The following SLMAP variants were observed in gnomAD, a reference collection of about 807,000 sequenced individuals.
SLMAP encodes the protein sarcolemmal membrane-associated protein.
In SLMAP, 44 loss-of-function variants were observed where a neutral mutation model predicts 128.8. The observed-to-expected ratio is 0.34, with a 90% CI of 0.27 to 0.44. SLMAP has a LOEUF of 0.44. Ranked by LOEUF, SLMAP falls within the 20% of genes least tolerant of loss-of-function variation. The pLI is 1.00. For synonymous variants in SLMAP, 327 were observed against 348.8 expected, an observed-to-expected ratio of 0.94 and a Z score of 0.70; for missense variants, 787 against 985.3, an observed-to-expected ratio of 0.80 and a Z score of 2.69.
At chr3:57,902,218 T>A (rs1349542548) in intron 17 of SLMAP, 2 of 152,216 alleles carry the variant, frequency 1.3e-5, no homozygotes, top group Non-Finnish European at 2.9e-5. Context: ...TAGATATTAT[T>A]TCTTTTTAGT....
intron 22 of SLMAP, among the ~76,000 whole-genome samples, chr3:57,921,320 TA>T (rs1333332236): frequency 1.3e-5 from 2 of 152,138 alleles, no homozygotes. Context: ...CAAGTTTTGC[TA>T]TTTAAAAATT....
chr3:57,839,304 G>A (rs1234853649), intron 3 of SLMAP, among the ~76,000 whole-genome samples: 1 of 151,886 alleles, frequency 6.6e-6, no homozygotes, highest in Non-Finnish European at 1.5e-5. Context: ...AATCAATATT[G>A]AATACATGGT....
At chr3:57,926,485 A>G in intron 24 of SLMAP, among the ~76,000 whole-genome samples, 1 of 152,240 alleles carries the variant, frequency 6.6e-6, no homozygotes, top group Non-Finnish European at 1.5e-5. Context: ...ACTTGCAAGG[A>G]TATAAATGTA....
chr3:57,869,437 G>A (rs1575495986), intron 13 of SLMAP, among the ~76,000 whole-genome samples: 1 of 150,880 alleles, frequency 6.6e-6, no homozygotes. Context: ...TTGACACTCA[G>A]TATTAACCAC....
intron 2 of SLMAP, among the ~76,000 whole-genome samples, chr3:57,811,029 A>C (rs764414940): frequency 1.3e-5 from 2 of 152,152 alleles, no homozygotes; most frequent in African/African-American, 2.4e-5. Flanking sequence ...TCTTCCCCTG[A>C]ACTCTAGGCT....
chr3:57,837,380 GTTT>G (rs2093687609), intron 3 of SLMAP, among the ~76,000 whole-genome samples: 1 of 151,952 alleles, frequency 6.6e-6, no homozygotes, highest in African/African-American at 2.4e-5. Context: ...TTGTTTGTTT[GTTT>G]TTTGAGACAA....
At chr3:57,772,225 C>G (rs2081035034) in intron 2 of SLMAP, among the ~76,000 whole-genome samples, 2 of 152,134 alleles carry the variant, frequency 1.3e-5, no homozygotes, top group Non-Finnish European at 2.9e-5. Context: ...TGTATATGTC[C>G]TTGGTGTATA....
chr3:57,836,736 A>G (rs970341729), intron 3 of SLMAP, among the ~76,000 whole-genome samples: 13 of 152,256 alleles, frequency 8.5e-5, no homozygotes, highest in Middle Eastern at 3.2e-3. Flanking sequence ...TACTGATAAA[A>G]TATTATTGTA....
At chr3:57,772,008 G>A (rs1366483582) in intron 2 of SLMAP, among the ~76,000 whole-genome samples, 1 of 152,166 alleles carries the variant, frequency 6.6e-6, no homozygotes, top group African/African-American at 2.4e-5. Context: ...CTCTTATCAG[G>A]CACCATAGAA....
intron 13 of SLMAP, among the ~76,000 whole-genome samples, chr3:57,871,390 A>T (rs2095476665): frequency 6.6e-6 from 1 of 152,168 alleles, no homozygotes; most frequent in Admixed American, 6.6e-5. Flanking sequence ...CAATATATTT[A>T]TGTGATTTTC....
At chr3:57,859,057 C>A (rs142131852) in intron 8 of SLMAP, among the ~76,000 whole-genome samples, 1 of 152,214 alleles carries the variant, frequency 6.6e-6, no homozygotes, top group Non-Finnish European at 1.5e-5. Context: ...TACACAGTGG[C>A]TCATGCCTGT....
chr3:57,874,252 A>G (rs1355864930), intron 14 of SLMAP, among the ~76,000 whole-genome samples: 1 of 152,210 alleles, frequency 6.6e-6, no homozygotes, highest in Admixed American at 6.5e-5. Flanking sequence ...TAGTTGTGCC[A>G]CTGCACTCTA....
At chr3:57,766,159 C>T (rs553123122) in intron 2 of SLMAP, among the ~76,000 whole-genome samples, 7 of 128,736 alleles carry the variant, frequency 5.4e-5, no homozygotes, top group Admixed American at 4.1e-4. Flanking sequence ...CCACCACACC[C>T]GGCTAATTTT....
rs2096013788 is a variant in SLMAP at position 57,889,969 on chromosome 3, T to C, written c.1301-72T>C. ...CATCTTTAAATTTGGTCATGGAATG[T>C]GTTACACTGCCCAGCTCAGGGAAAT... On this transcript the variant is annotated intron_variant, in intron 14 of 24. Transcript: ENST00000671191. 3.8e-6 allele frequency: 4 copies of C among 1,040,484 alleles called. No individual in the cohort carries two copies. The East Asian group carries it at 7.1e-5, about 18-fold the overall frequency. The allele number at this position is 1,040,484 out of a possible 1,614,324, so 64.5% of individuals were successfully genotyped here.
intron 23 of SLMAP, among the ~76,000 whole-genome samples, chr3:57,923,821 C>T (rs1224511147): frequency 3.3e-5 from 5 of 152,134 alleles, no homozygotes; most frequent in Non-Finnish European, 5.9e-5. Flanking sequence ...GCATGGCCAT[C>T]GTGTTACTCA....
chr3:57,838,378 A>C (rs2153559367), intron 3 of SLMAP, among the ~76,000 whole-genome samples: 1 of 152,314 alleles, frequency 6.6e-6, no homozygotes, highest in South Asian at 2.1e-4. Flanking sequence ...GATGAACCCT[A>C]ATGTCTTAAA....
chr3:57,757,726 C>G lies in SLMAP; in HGVS notation c.75C>G (p.Asp25Glu), dbSNP rs768802511. The G allele has an allele frequency of 6.2e-7, 1 of 1,614,128 alleles. No homozygotes were observed. The highest frequency in any genetic ancestry group is 8.5e-7 in the Non-Finnish European group (1 of 1,180,030). The stretch of plus-strand genomic sequence containing the variant: ...TTCAGGAGCGTCATGTCTACCTGGA[C>G]GAGCCCATCAAAATCGGCCGCTCAG... ...HPFQERHVYL[D>E]EPIKIGRSVA... The change falls in exon 2 of 25, where the codon GAC becomes GAG. Residue 25 changes from aspartate to glutamate, a missense_variant. Transcript: ENST00000671191.
At chr3:57,867,214 A>T (rs964192155) in intron 13 of SLMAP, among the ~76,000 whole-genome samples, 1 of 152,140 alleles carries the variant, frequency 6.6e-6, no homozygotes, top group Non-Finnish European at 1.5e-5. Context: ...TCAATCAGTC[A>T]TCACCCTCTT....
chr3:57,847,500 A>G (rs1377821034), intron 5 of SLMAP, among the ~76,000 whole-genome samples: 1 of 152,218 alleles, frequency 6.6e-6, no homozygotes, highest in Non-Finnish European at 1.5e-5. Context: ...AGCCAGGGAT[A>G]AGGAGTATTC....
Sources: gnomAD v4.1 joint callset for allele counts (sites outside exome capture counted in the v4.1 genomes callset) on GRCh38, gnomAD v4.1.1 for gene constraint, MANE v1.5 for transcripts, NCBI Gene and HGNC (gene_info 2026-07-23, HGNC 2026-07-21) for gene names.